CRAMP1: variants seen among roughly 807,000 people sequenced by gnomAD.
The protein encoded by CRAMP1 is protein cramped-like.
In CRAMP1, 50 loss-of-function variants were observed where a neutral mutation model predicts 115.4. That is an observed-to-expected ratio of 0.43 (90% CI 0.35 to 0.55). CRAMP1 has a LOEUF of 0.55. Among genes scored for constraint, CRAMP1 ranks in the 20% least tolerant of loss-of-function variants. The probability of loss-of-function intolerance (pLI) is 0.01; values close to 1 mark genes in which losing one functional copy is unlikely to be tolerated. For missense variants in CRAMP1, 1,679 were observed against 1,721.7 expected, an observed-to-expected ratio of 0.98 and a Z score of 0.44; for synonymous variants, 866 against 745.4, an observed-to-expected ratio of 1.16 and a Z score of -2.64.
intron 3 of CRAMP1, among the ~76,000 whole-genome samples, chr16:1,631,933 G>A (rs1451285859): frequency 2.0e-5 from 3 of 152,196 alleles, no homozygotes; most frequent in African/African-American, 7.2e-5. Flanking sequence ...TCCAAGTGAT[G>A]AGCTTTATGT....
intron 2 of CRAMP1, among the ~76,000 whole-genome samples, chr16:1,621,007 G>A (rs1031840890): frequency 6.6e-6 from 1 of 151,952 alleles, no homozygotes; most frequent in Non-Finnish European, 1.5e-5. Context: ...TACCCATTGC[G>A]AGGACAGGAA....
At chr16:1,628,212 T>G (rs1413516188) in intron 3 of CRAMP1, among the ~76,000 whole-genome samples, 1 of 152,236 alleles carries the variant, frequency 6.6e-6, no homozygotes, top group African/African-American at 2.4e-5. Context: ...TCTCTGTATC[T>G]GAGTTTGTAT....
chr16:1,661,939 A>C (rs2036834167), intron 11 of CRAMP1, among the ~76,000 whole-genome samples: 1 of 152,206 alleles, frequency 6.6e-6, no homozygotes, highest in South Asian at 2.1e-4. Flanking sequence ...TAAAAACTAG[A>C]GATTTACACC....
At chr16:1,629,767 C>G (rs761274135) in intron 3 of CRAMP1, among the ~76,000 whole-genome samples, 56 of 152,220 alleles carry the variant, frequency 3.7e-4, no homozygotes, top group Admixed American at 2.7e-3. Flanking sequence ...TATGCTTTAT[C>G]TGCCATTCCT....
At chr16:1,637,062 ACAGGTAGATCATTTGAGGTCAG>A (rs535244915) in intron 4 of CRAMP1, among the ~76,000 whole-genome samples, 1 of 152,204 alleles carries the variant, frequency 6.6e-6, no homozygotes, top group South Asian at 2.1e-4. Flanking sequence ...GGAGGTTGAG[ACAGGTAGATCATTTGAGGTCAG>A]GAGTTCGAGA....
chr16:1,665,423 C>A, intron 14 of CRAMP1, among the ~76,000 whole-genome samples: 1 of 152,174 alleles, frequency 6.6e-6, no homozygotes, highest in East Asian at 1.9e-4. Context: ...CTCTTGTCTG[C>A]TCTCTCTGTG....
At position 1,630,277 on chromosome 16, in the gene CRAMP1, A is replaced by G. The variant is rs566444596; in HGVS notation, c.541-1935A>G. Among the ~76,000 whole-genome samples the G allele has an allele frequency of 4.6e-5, 7 of 151,964 alleles. No individual in the cohort carries two copies. The East Asian group carries it at 1.4e-3, about 29-fold the overall frequency. ...GACGATCCTCCTGCCTCAGCCTCCCACGTAGCTAGGACTACAGGCATGTGC... is the reference window on the plus strand; with the variant it reads ...GACGATCCTCCTGCCTCAGCCTCCCGCGTAGCTAGGACTACAGGCATGTGC... On this transcript the variant is annotated intron_variant, in intron 3 of 20. Transcript: ENST00000397412.
At position 1,614,651 on chromosome 16, in the gene CRAMP1, G is replaced by A; in HGVS notation, c.12G>A (p.Lys4=). 2 of 1,279,406 alleles carry A rather than the reference G, an allele frequency of 1.6e-6. No homozygotes were observed. The highest frequency in any genetic ancestry group is 2.0e-6 in the Non-Finnish European group (2 of 1,006,192). 79.3% of individuals were successfully genotyped at this position (1,279,406 alleles called of 1,614,324 possible). A position where few individuals can be genotyped will look rare whatever the true frequency, so the allele number is the denominator to read the frequency against. The change falls in exon 2 of 21, where the codon AAG becomes AAA. Residue 4 remains lysine (K), a synonymous_variant. Coordinates refer to ENST00000397412, the MANE Select transcript of CRAMP1 (RefSeq NM_020825.4). The surrounding 1 kb of genome is among the most constrained non-coding windows in gnomAD (Gnocchi z 4.4). Reference sequence around the variant, plus strand: ...CTCCCGGCCGCAGGATGACAGTGAAGTTGGGCGACGGCGGCAGCGGGGAGG... The same window carrying A: ...CTCCCGGCCGCAGGATGACAGTGAAATTGGGCGACGGCGGCAGCGGGGAGG... MTV[K]LGDGGSGEDG...
chr16:1,648,486 T>A (rs1435638186), intron 6 of CRAMP1, among the ~76,000 whole-genome samples: 1 of 151,772 alleles, frequency 6.6e-6, no homozygotes, highest in Non-Finnish European at 1.5e-5. Context: ...GCGCCTGTAG[T>A]CCCAGCTACT....
At chr16:1,661,085 C>T (rs978664788) in intron 11 of CRAMP1, among the ~76,000 whole-genome samples, 7 of 152,088 alleles carry the variant, frequency 4.6e-5, no homozygotes, top group East Asian at 1.9e-4. Context: ...ATCCCAGCAC[C>T]TTGGGAAACC....
At chr16:1,625,741 T>G in intron 2 of CRAMP1, 1 of 465,940 alleles carries the variant, frequency 2.1e-6, no homozygotes, top group Non-Finnish European at 3.8e-6. Context: ...AAAATCTTGC[T>G]CCTTTTCTAA....
chr16:1,654,498 C>T (rs936482743), intron 8 of CRAMP1, among the ~76,000 whole-genome samples: 5 of 152,200 alleles, frequency 3.3e-5, no homozygotes, highest in African/African-American at 1.2e-4. Flanking sequence ...AGGCGTGTGC[C>T]GCCGTGCCCG....
intron 2 of CRAMP1, among the ~76,000 whole-genome samples, chr16:1,621,310 G>T (rs1024311485): frequency 1.5e-4 from 23 of 152,236 alleles, no homozygotes; most frequent in African/African-American, 5.3e-4. Context: ...AGCTGGGAGG[G>T]TGCGCTGGGG....
At position 1,671,772 on chromosome 16, in the gene CRAMP1, C is replaced by T. The variant is rs570412084; in HGVS notation, c.3645+963C>T. On this transcript the variant is annotated intron_variant, in intron 20 of 20. Coordinates refer to ENST00000397412, the MANE Select transcript of CRAMP1 (RefSeq NM_020825.4). This position sits in a 1 kb window ranked among gnomAD's most constrained non-coding sequence, Gnocchi z 5.0. ...TCAAAACAGCTGTTTCTCACGGACA[C>T]CTCCGCTACCCAGTATCCGAATGTG... Among the ~76,000 whole-genome samples the T allele has an allele frequency of 1.3e-5, 2 of 152,358 alleles. No homozygotes were observed. Among genetic ancestry groups the T allele is most frequent in the African/African-American group, 4.8e-5 (2 of 41,586 alleles).
intron 2 of CRAMP1, among the ~76,000 whole-genome samples, chr16:1,621,424 C>T (rs1043973899): frequency 1.2e-4 from 19 of 152,138 alleles, no homozygotes; most frequent in African/African-American, 3.6e-4. Flanking sequence ...CTTACTTGGG[C>T]GGCAGAGAGC....
chr16:1,612,367 C>T lies in CRAMP1; in HGVS notation c.-292C>T, dbSNP rs1009005933. On this transcript the variant is annotated 5_prime_UTR_variant, in exon 1 of 21. Transcript: ENST00000397412. Reference sequence around the variant, plus strand: ...CCCCCGCGCGCCGTCCGTGAGGTCCCCACCGGCCGCCGTAGCCGGAACTGC... The same window carrying T: ...CCCCCGCGCGCCGTCCGTGAGGTCCTCACCGGCCGCCGTAGCCGGAACTGC... The T allele has an allele frequency of 6.6e-6, 1 of 151,854 alleles. No individual in the cohort carries two copies. Among genetic ancestry groups the T allele is most frequent in the Non-Finnish European group, 1.5e-5 (1 of 67,760 alleles). 9.4% of individuals were successfully genotyped at this position (151,854 alleles called of 1,614,324 possible). A position where few individuals can be genotyped will look rare whatever the true frequency, so the allele number is the denominator to read the frequency against.
At chr16:1,665,749 A>T (rs2036868880) in intron 14 of CRAMP1, 2 of 332,548 alleles carry the variant, frequency 6.0e-6, no homozygotes, top group Admixed American at 4.5e-5. Flanking sequence ...CCAGAATCTG[A>T]TGCTCTGACT....
intron 8 of CRAMP1, among the ~76,000 whole-genome samples, chr16:1,654,820 C>T (rs1317484031): frequency 1.3e-5 from 2 of 152,250 alleles, no homozygotes; most frequent in African/African-American, 4.8e-5. Context: ...CATAGCGCAT[C>T]AGTACTTCAT....
At chr16:1,652,718 C>A (rs1218921947) in intron 7 of CRAMP1, 137 bp downstream of exon 7, 1 of 786,196 alleles carries the variant, frequency 1.3e-6, no homozygotes, top group Non-Finnish European at 2.1e-6. Flanking sequence ...TGCACATGGA[C>A]CACTCTTGAA....
Sources: allele counts gnomAD v4.1 joint callset (sites outside exome capture counted in the v4.1 genomes callset), GRCh38; gene constraint gnomAD v4.1.1; non-coding constraint Gnocchi (gnomAD v3.1); transcripts MANE v1.5; gene names NCBI Gene and HGNC (gene_info 2026-07-23, HGNC 2026-07-21).